Variants in IL1RAPL1 observed in about 807,000 individuals in gnomAD.
The protein encoded by IL1RAPL1 is interleukin-1 receptor accessory protein-like 1.
Under a neutral mutation model 48.4 loss-of-function variants are expected in IL1RAPL1, and 3 were observed. That is an observed-to-expected ratio of 0.06 (90% confidence interval 0.03 to 0.16). The LOEUF is 0.16. IL1RAPL1 is among the 10% of genes least tolerant of loss of function. IL1RAPL1 has a pLI of 1.00. For missense variants in IL1RAPL1, 349 were observed against 530.6 expected (o/e 0.66, Z 3.36); for synonymous variants, 185 against 187.7 (o/e 0.99, Z 0.12).
At chrX:28,927,069 A>G (rs1382144125) in intron 2 of IL1RAPL1, among the ~76,000 whole-genome samples, 1 of 110,007 alleles carries the variant, frequency 9.1e-6, no homozygotes, top group Non-Finnish European at 1.9e-5. Flanking sequence ...TAATTTTTAA[A>G]TTTTTTTGCA....
At chrX:29,207,222 G>A (rs966143950) in intron 2 of IL1RAPL1, among the ~76,000 whole-genome samples, 2 of 111,815 alleles carry the variant, frequency 1.8e-5, no homozygotes, top group Non-Finnish European at 3.8e-5. Flanking sequence ...AATAAACTTA[G>A]AAACACAGAG....
At chrX:29,289,721 C>T (rs915054819) in intron 3 of IL1RAPL1, among the ~76,000 whole-genome samples, 3 of 111,889 alleles carry the variant, frequency 2.7e-5, no homozygotes, top group East Asian at 2.8e-4. Context: ...TGTGCCTCCA[C>T]GTATTTAGGA....
chrX:29,131,249 C>G (rs1032647046), intron 2 of IL1RAPL1, among the ~76,000 whole-genome samples: 2 of 101,264 alleles, frequency 2.0e-5, no homozygotes, highest in Non-Finnish European at 4.1e-5. Context: ...TGCTCACTCT[C>G]TAGTTTATAT....
At chrX:28,997,385 T>G (rs1925748805) in intron 2 of IL1RAPL1, among the ~76,000 whole-genome samples, 1 of 111,650 alleles carries the variant, frequency 9.0e-6, no homozygotes, top group Admixed American at 9.5e-5. Context: ...TTGGTGATAT[T>G]CAGTGTATAG....
At chrX:29,689,594 A>T (rs1926722258) in intron 6 of IL1RAPL1, among the ~76,000 whole-genome samples, 1 of 111,662 alleles carries the variant, frequency 9.0e-6, no homozygotes, top group Non-Finnish European at 1.9e-5. Context: ...TGTGAACTCT[A>T]CCTTAATTAA....
intron 1 of IL1RAPL1, among the ~76,000 whole-genome samples, chrX:28,635,635 A>T (rs1343434185): frequency 8.9e-6 from 1 of 112,079 alleles, no homozygotes; most frequent in East Asian, 2.8e-4. Flanking sequence ...TTGGTAGGTT[A>T]GGTGTATTAA....
chrX:29,153,377 G>A (rs940583636), intron 2 of IL1RAPL1, among the ~76,000 whole-genome samples: 3 of 111,489 alleles, frequency 2.7e-5, no homozygotes, highest in Non-Finnish European at 5.6e-5. Context: ...AGATGTCTTT[G>A]GGAGGCCATT....
At chrX:29,769,427 G>GT (rs749403144) in intron 6 of IL1RAPL1, among the ~76,000 whole-genome samples, 846 of 25,805 alleles carry the variant, frequency 0.033, 253 homozygotes, top group African/African-American at 0.06. Context: ...CTGCCAAACA[G>GT]TTTTTTTTTT....
chrX:29,835,880 T>C (rs1315360067), intron 6 of IL1RAPL1, among the ~76,000 whole-genome samples: 2 of 98,642 alleles, frequency 2.0e-5, no homozygotes, highest in Non-Finnish European at 3.9e-5. Flanking sequence ...GAGTCTTCTT[T>C]TTTTTTTTTT....
chrX:28,704,421 AACACACACACACACACACAC>A (rs71703533), intron 1 of IL1RAPL1, among the ~76,000 whole-genome samples: 2 of 89,537 alleles, frequency 2.2e-5, no homozygotes, highest in East Asian at 7.5e-4. Flanking sequence ...AAAACACACA[AACACACACACACACACACAC>A]ACACACACAC....
At chrX:29,521,396 G>T (rs995035694) in intron 5 of IL1RAPL1, among the ~76,000 whole-genome samples, 20 of 111,389 alleles carry the variant, frequency 1.8e-4, no homozygotes, top group Non-Finnish European at 2.6e-4. Context: ...GCCTTAATTG[G>T]TTCTCTAGTT....
intron 2 of IL1RAPL1, among the ~76,000 whole-genome samples, chrX:28,958,464 T>C: frequency 9.0e-6 from 1 of 111,712 alleles, no homozygotes; most frequent in Non-Finnish European, 1.9e-5. Context: ...TTTCTTGCAA[T>C]GTACTATAGA....
intron 2 of IL1RAPL1, among the ~76,000 whole-genome samples, chrX:28,840,758 T>A (rs1250914616): frequency 9.0e-6 from 1 of 110,650 alleles, no homozygotes; most frequent in African/African-American, 3.3e-5. Context: ...CGTGTCTAAG[T>A]TGTACTTCCC....
chrX:28,808,182 G>A (rs142811746), intron 2 of IL1RAPL1, among the ~76,000 whole-genome samples: 75 of 111,397 alleles, frequency 6.7e-4, no homozygotes, highest in African/African-American at 2.3e-3. Context: ...ACTCAGACAC[G>A]TTTCTGTTGT....
At chrX:29,413,600 C>T (rs868370148) in intron 5 of IL1RAPL1, among the ~76,000 whole-genome samples, 2 of 103,913 alleles carry the variant, frequency 1.9e-5, no homozygotes, top group Non-Finnish European at 1.9e-5. Context: ...TGAGAACATG[C>T]GGTGTTTGGT....
intron 1 of IL1RAPL1, among the ~76,000 whole-genome samples, chrX:28,619,333 G>A (rs1314123158): frequency 3.6e-5 from 4 of 110,591 alleles, no homozygotes; most frequent in Non-Finnish European, 5.7e-5. Flanking sequence ...GGTGGCTCAC[G>A]CCTGTAACCC....
At chrX:28,707,337 C>T in intron 1 of IL1RAPL1, among the ~76,000 whole-genome samples, 1 of 111,940 alleles carries the variant, frequency 8.9e-6, no homozygotes, top group Non-Finnish European at 1.9e-5. Flanking sequence ...ATTTGGGATA[C>T]CTCTGAGATG....
At chrX:28,626,447 C>A (rs1380918620) in intron 1 of IL1RAPL1, among the ~76,000 whole-genome samples, 1 of 111,842 alleles carries the variant, frequency 8.9e-6, no homozygotes, top group African/African-American at 3.3e-5. Flanking sequence ...TAAAGCCTCC[C>A]TCTCCATCCC....
At chrX:29,631,216 T>A (rs1004098202) in intron 5 of IL1RAPL1, among the ~76,000 whole-genome samples, 34 of 111,928 alleles carry the variant, frequency 3.0e-4, no homozygotes, top group African/African-American at 1.0e-3. Flanking sequence ...TTTATTTTTT[T>A]TCCAGCTCTT....
Sources: allele counts gnomAD v4.1 joint callset (sites outside exome capture counted in the v4.1 genomes callset), GRCh38; gene constraint gnomAD v4.1.1; transcripts MANE v1.5; gene names NCBI Gene and HGNC (gene_info 2026-07-23, HGNC 2026-07-21).